Variants in MMP16 observed in about 807,000 individuals in gnomAD.
MMP16 encodes matrix metallopeptidase 16.
MMP16 carries 12 observed loss-of-function variants against 67.8 expected under a neutral mutation model. The observed-to-expected ratio is 0.18, with a 90% confidence interval of 0.11 to 0.29. The LOEUF (loss-of-function observed/expected upper bound fraction) is 0.29, where lower values mean the gene tolerates loss of function less well. MMP16 is among the 10% of genes least tolerant of loss of function. MMP16 has a pLI of 1.00. For missense variants in MMP16, 475 were observed against 765.7 expected (o/e 0.62, Z 4.48); for synonymous variants, 249 against 255.9 (o/e 0.97, Z 0.26).
At chr8:88,169,245 A>G (rs1808762864) in intron 3 of MMP16, among the ~76,000 whole-genome samples, 1 of 152,176 alleles carries the variant, frequency 6.6e-6, no homozygotes, top group Non-Finnish European at 1.5e-5. Flanking sequence ...GGAAAAAAAT[A>G]ATATGCATAT....
chr8:88,164,110 G>A (rs1808674826), intron 4 of MMP16, among the ~76,000 whole-genome samples: 1 of 152,098 alleles, frequency 6.6e-6, no homozygotes, highest in African/African-American at 2.4e-5. Context: ...TTTTAAGGTA[G>A]ATAGAATGCA....
At chr8:88,292,041 C>A (rs145257468) in intron 1 of MMP16, among the ~76,000 whole-genome samples, 1 of 152,096 alleles carries the variant, frequency 6.6e-6, no homozygotes, top group Non-Finnish European at 1.5e-5. Context: ...TAAGTTAGAT[C>A]AGCTTGGATA....
intron 1 of MMP16, among the ~76,000 whole-genome samples, chr8:88,304,077 G>GA (rs1811175494): frequency 6.6e-6 from 1 of 152,144 alleles, no homozygotes; most frequent in Admixed American, 6.5e-5. Flanking sequence ...CTGATAGCCA[G>GA]AATAGCCAGT....
rs1433867715 is a variant in MMP16, at chr8:88,313,985, T to C, written c.132+13090A>G. On this transcript the variant is annotated intron_variant, in intron 1 of 9. Coordinates refer to ENST00000286614, the MANE Select transcript of MMP16 (RefSeq NM_005941.5). ...ATTACCTCCTACTGTGTTCCTCCCATACCACGTGAAAATTCAAGATCAGAT... is the reference window on the plus strand; with the variant it reads ...ATTACCTCCTACTGTGTTCCTCCCACACCACGTGAAAATTCAAGATCAGAT... Among the ~76,000 whole-genome samples, 7 of 152,238 alleles carry C rather than the reference T, an allele frequency of 4.6e-5. No individual in the cohort carries two copies. The East Asian group carries it at 9.7e-4, about 21-fold the overall frequency.
intron 1 of MMP16, among the ~76,000 whole-genome samples, chr8:88,239,587 A>C (rs1246588516): frequency 6.6e-6 from 1 of 152,052 alleles, no homozygotes; most frequent in Non-Finnish European, 1.5e-5. Flanking sequence ...TAAGCTGAAA[A>C]ATCTCATGGT....
intron 4 of MMP16, among the ~76,000 whole-genome samples, chr8:88,158,659 CTTTAG>C: frequency 6.6e-6 from 1 of 152,260 alleles, no homozygotes; most frequent in African/African-American, 2.4e-5. Flanking sequence ...TGCAGAAGCT[CTTTAG>C]TTTAATTAGA....
chr8:88,271,627 G>C (rs966714024), intron 1 of MMP16, among the ~76,000 whole-genome samples: 1 of 152,132 alleles, frequency 6.6e-6, no homozygotes, highest in African/African-American at 2.4e-5. Context: ...CTGAGTAGCT[G>C]GAATTACATG....
Position 88,058,588 on chromosome 8 carries a change from G to A in MMP16, c.1223-2310C>T, listed in dbSNP as rs1333636087. ...TAAGGTGACAGTGATGGGATTTGGGGCTACTTTGTATTAGATGCAGGAGAG... is the reference window on the plus strand; with the variant it reads ...TAAGGTGACAGTGATGGGATTTGGGACTACTTTGTATTAGATGCAGGAGAG... On this transcript the variant is annotated intron_variant, in intron 7 of 9. Transcript: ENST00000286614. The surrounding 1 kb of genome is among the most constrained non-coding windows in gnomAD (Gnocchi z 4.2). Among the ~76,000 whole-genome samples, 2 of 152,140 alleles carry A rather than the reference G, an allele frequency of 1.3e-5. No homozygotes were observed. Among genetic ancestry groups the A allele is most frequent in the African/African-American group, 2.4e-5 (1 of 41,452 alleles).
intron 1 of MMP16, among the ~76,000 whole-genome samples, chr8:88,300,173 T>C (rs1337023941): frequency 1.3e-5 from 2 of 152,206 alleles, no homozygotes; most frequent in African/African-American, 2.4e-5. Flanking sequence ...AAATGCATTC[T>C]ATCAGGGGAA....
chr8:88,141,402 GA>G lies in MMP16; in HGVS notation c.710-22542del, dbSNP rs28907595. 6.3e-3 allele frequency among the ~76,000 whole-genome samples: 956 copies of G among 152,244 alleles called. 5 individuals carry two copies. Among genetic ancestry groups the G allele is most frequent in the African/African-American group, 0.022 (905 of 41,534 alleles). Reference sequence around the variant, plus strand: ...TTTTATCTATTAGATTGGTCAAGGTGAAAAAAATCAGGTATTTAGCTGGAGT... The same window carrying G: ...TTTTATCTATTAGATTGGTCAAGGTGAAAAAATCAGGTATTTAGCTGGAGT... On this transcript the variant is annotated intron_variant, in intron 4 of 9. Transcript: ENST00000286614.
intron 1 of MMP16, among the ~76,000 whole-genome samples, chr8:88,286,192 A>G (rs537174326): frequency 6.6e-6 from 1 of 152,108 alleles, no homozygotes; most frequent in Non-Finnish European, 1.5e-5. Flanking sequence ...TTTTCCCTCC[A>G]GGTACTTCTT....
At chr8:88,311,269 A>G (rs964984435) in intron 1 of MMP16, among the ~76,000 whole-genome samples, 2 of 152,144 alleles carry the variant, frequency 1.3e-5, no homozygotes, top group Non-Finnish European at 2.9e-5. Flanking sequence ...AGGAGGTAAA[A>G]GGGGAACAGC....
intron 8 of MMP16, among the ~76,000 whole-genome samples, chr8:88,054,681 A>T (rs747369874): frequency 5.3e-5 from 8 of 152,234 alleles, no homozygotes; most frequent in Non-Finnish European, 7.3e-5. Context: ...TATTGCATAT[A>T]CAGTTAGTAA....
intron 1 of MMP16, among the ~76,000 whole-genome samples, chr8:88,261,837 GTGT>G (rs1810393577): frequency 6.6e-6 from 1 of 151,336 alleles, no homozygotes; most frequent in South Asian, 2.1e-4. Context: ...CATTTACTGA[GTGT>G]ATCCTATGCA....
chr8:88,183,461 G>A (rs1809014791), intron 3 of MMP16, among the ~76,000 whole-genome samples: 1 of 151,816 alleles, frequency 6.6e-6, no homozygotes, highest in Non-Finnish European at 1.5e-5. Context: ...ATTTCTTCTG[G>A]GTTTACCCTA....
At chr8:88,062,725 G>A (rs560608887) in intron 7 of MMP16, among the ~76,000 whole-genome samples, 1 of 152,004 alleles carries the variant, frequency 6.6e-6, no homozygotes, top group Admixed American at 6.6e-5. Context: ...GTTAATGGGT[G>A]CAGCACACCA....
chr8:88,327,055 G>C lies in MMP16; in HGVS notation c.132+20C>G. Reference sequence around the variant, plus strand: ...GCAGCCCAGGCAGCGGGGGGAGGAAGAAAGCCCTCGCACTCTTACCTCCAC... The same window carrying C: ...GCAGCCCAGGCAGCGGGGGGAGGAACAAAGCCCTCGCACTCTTACCTCCAC... On this transcript the variant is annotated intron_variant, in intron 1 of 9. Coordinates refer to ENST00000286614, the MANE Select transcript of MMP16 (RefSeq NM_005941.5). The C allele has an allele frequency of 6.2e-7, 1 of 1,613,380 alleles. No individual in the cohort carries two copies. The highest frequency in any genetic ancestry group is 8.5e-7 in the Non-Finnish European group (1 of 1,179,528).
intron 6 of MMP16, among the ~76,000 whole-genome samples, chr8:88,075,891 T>C (rs1194969390): frequency 6.6e-6 from 1 of 150,856 alleles, no homozygotes; most frequent in African/African-American, 2.4e-5. Context: ...CAACAATATG[T>C]TAGCCTGACC....
chr8:88,087,987 C>G (rs1352865336), intron 6 of MMP16, among the ~76,000 whole-genome samples: 1 of 137,138 alleles, frequency 7.3e-6, no homozygotes, highest in Non-Finnish European at 1.5e-5. Flanking sequence ...ACATATATAT[C>G]TATATCTATC....
Sources: gnomAD v4.1 joint callset for allele counts (sites outside exome capture counted in the v4.1 genomes callset) on GRCh38, gnomAD v4.1.1 for gene constraint, Gnocchi (gnomAD v3.1) non-coding constraint, MANE v1.5 for transcripts, NCBI Gene and HGNC (gene_info 2026-07-23, HGNC 2026-07-21) for gene names.